CELF2: variants seen among roughly 807,000 people sequenced by gnomAD.
CELF2 encodes the protein CUGBP Elav-like family member 2.
In CELF2, 8 loss-of-function variants were observed where a neutral mutation model predicts 62.6. The ratio of observed to expected loss-of-function variants is 0.13; its 90% confidence interval spans 0.07 to 0.23. The LOEUF (loss-of-function observed/expected upper bound fraction) is 0.23. Ranked by LOEUF, CELF2 falls within the 10% of genes least tolerant of loss-of-function variation. The pLI is 1.00. For synonymous variants in CELF2, 258 were observed against 250.0 expected (o/e 1.03, Z -0.30); for missense variants, 333 against 671.0 (o/e 0.50, Z 5.56).
the CELF2 span, among the ~76,000 whole-genome samples, chr10:10,782,209 A>C: frequency 1.3e-5 from 2 of 152,358 alleles, no homozygotes; most frequent in Middle Eastern, 3.4e-3. Context: ...ATGCTATTAT[A>C]AAGACAGAAA....
intron 5 of CELF2, among the ~76,000 whole-genome samples, chr10:11,265,915 G>A (rs1024036948): frequency 2.0e-5 from 3 of 152,102 alleles, no homozygotes; most frequent in Admixed American, 6.5e-5. Flanking sequence ...GACAATGCAC[G>A]TTTTTTACAT....
chr10:10,496,892 TA>T, the CELF2 span, among the ~76,000 whole-genome samples: 2 of 151,610 alleles, frequency 1.3e-5, no homozygotes, highest in East Asian at 3.9e-4. Flanking sequence ...AGTTATGTAA[TA>T]AAAACAAGAT....
At chr10:10,668,835 G>A in the CELF2 span, among the ~76,000 whole-genome samples, 1 of 152,110 alleles carries the variant, frequency 6.6e-6, no homozygotes, top group African/African-American at 2.4e-5. Flanking sequence ...GTGTGCGCCT[G>A]TAATCCCAGC....
chr10:10,924,824 A>G (rs990222483), intron 2 of CELF2, among the ~76,000 whole-genome samples: 11 of 146,378 alleles, frequency 7.5e-5, no homozygotes, highest in Non-Finnish European at 1.3e-4. Flanking sequence ...GGCGTATACC[A>G]TAGGATTACT....
the CELF2 span, among the ~76,000 whole-genome samples, chr10:10,643,639 T>C: frequency 1.3e-5 from 2 of 152,216 alleles, no homozygotes; most frequent in African/African-American, 4.8e-5. Flanking sequence ...GATTCTTTAG[T>C]CTAACACTAT....
intron 2 of CELF2, chr10:10,944,078 G>A (rs1343447662): frequency 6.6e-6 from 1 of 152,522 alleles, no homozygotes; most frequent in Non-Finnish European, 1.5e-5. Flanking sequence ...ATCTAGGTGT[G>A]TGACTTTGAG....
chr10:10,685,296 C>T, the CELF2 span, among the ~76,000 whole-genome samples: 1 of 152,282 alleles, frequency 6.6e-6, no homozygotes, highest in South Asian at 2.1e-4. Flanking sequence ...CACAGCTTTA[C>T]CCATTTCTTT....
At chr10:10,917,497 G>A (rs1009465013) in intron 1 of CELF2, among the ~76,000 whole-genome samples, 2 of 152,096 alleles carry the variant, frequency 1.3e-5, no homozygotes, top group Admixed American at 6.5e-5. Flanking sequence ...GCACCATGAT[G>A]AGCAGCTCAT....
Position 11,329,080 on chromosome 10 carries a change from C to T in CELF2, c.*27C>T. 6.3e-7 allele frequency: 1 copy of T among 1,593,054 alleles called. No homozygotes were observed. The highest frequency in any genetic ancestry group is 1.1e-5 in the South Asian group (1 of 89,678). On this transcript the variant is annotated 3_prime_UTR_variant, in exon 13 of 13. Coordinates refer to ENST00000633077, the MANE Select transcript of CELF2 (RefSeq NM_001326342.2). The surrounding 1 kb of genome is among the most constrained non-coding windows in gnomAD (Gnocchi z 5.5). Reference sequence around the variant, plus strand: ...CCTAACCCCAGAGGCTCCCTGCTCTCATTTTAGCTTTCTTAGGGTAAGTCC... The same window carrying T: ...CCTAACCCCAGAGGCTCCCTGCTCTTATTTTAGCTTTCTTAGGGTAAGTCC...
At chr10:10,557,776 A>G in the CELF2 span, among the ~76,000 whole-genome samples, 1 of 143,484 alleles carries the variant, frequency 7.0e-6, no homozygotes, top group Non-Finnish European at 1.5e-5. Context: ...ATTCCTAGGT[A>G]TTTTATTCTC....
At chr10:11,055,626 A>C (rs150360464) in intron 1 of CELF2, among the ~76,000 whole-genome samples, 1 of 152,222 alleles carries the variant, frequency 6.6e-6, no homozygotes, top group Non-Finnish European at 1.5e-5. Flanking sequence ...TATTCTGTGC[A>C]GTGGTTTCTG....
intron 10 of CELF2, among the ~76,000 whole-genome samples, chr10:11,320,185 A>G (rs1333840226): frequency 3.3e-5 from 5 of 152,178 alleles, no homozygotes; most frequent in African/African-American, 9.7e-5. Flanking sequence ...AGCACTCTAT[A>G]AAGTGTTGCT....
chr10:10,551,207 TC>T, the CELF2 span, among the ~76,000 whole-genome samples: 1 of 152,204 alleles, frequency 6.6e-6, no homozygotes, highest in Admixed American at 6.5e-5. Context: ...CCAGTGTTGT[TC>T]AAGGGTCAAC....
At chr10:10,658,380 A>G in the CELF2 span, among the ~76,000 whole-genome samples, 2 of 152,200 alleles carry the variant, frequency 1.3e-5, no homozygotes, top group Non-Finnish European at 2.9e-5. Context: ...CTTACATTTC[A>G]TATCTGAAAT....
chr10:10,682,225 C>A, the CELF2 span, among the ~76,000 whole-genome samples: 2 of 152,150 alleles, frequency 1.3e-5, no homozygotes, highest in African/African-American at 4.8e-5. Context: ...TTTACTCTGA[C>A]GGGGAACAAC....
the CELF2 span, among the ~76,000 whole-genome samples, chr10:10,745,050 C>T: frequency 1.3e-5 from 2 of 150,410 alleles, no homozygotes; most frequent in South Asian, 2.1e-4. Flanking sequence ...CTGCCGGAAA[C>T]GTTTCTTCCA....
At chr10:10,464,182 A>G in the CELF2 span, among the ~76,000 whole-genome samples, 5 of 152,270 alleles carry the variant, frequency 3.3e-5, no homozygotes, top group East Asian at 5.8e-4. Context: ...AGAACATTAC[A>G]AAGTGTCAAT....
chr10:10,933,003 A>C (rs1259208475), intron 2 of CELF2, among the ~76,000 whole-genome samples: 2 of 152,162 alleles, frequency 1.3e-5, no homozygotes, highest in African/African-American at 4.8e-5. Flanking sequence ...TTTTTAAAAA[A>C]TTGACACAAG....
the CELF2 span, among the ~76,000 whole-genome samples, chr10:10,472,951 T>C: frequency 6.6e-6 from 1 of 152,022 alleles, no homozygotes; most frequent in Non-Finnish European, 1.5e-5. Flanking sequence ...TTCTTCTATA[T>C]CCAGATGCTA....
Sources: allele counts gnomAD v4.1 joint callset (sites outside exome capture counted in the v4.1 genomes callset), GRCh38; gene constraint gnomAD v4.1.1; non-coding constraint Gnocchi (gnomAD v3.1); transcripts MANE v1.5; gene names NCBI Gene and HGNC (gene_info 2026-07-23, HGNC 2026-07-21).